The following CADM2 variants were observed in gnomAD, a reference collection of about 807,000 sequenced individuals.
CADM2 encodes immunoglobulin superfamily member 4D.
CADM2 carries 12 observed loss-of-function variants against 49.8 expected under a neutral mutation model. The ratio of observed to expected loss-of-function variants is 0.24; its 90% CI spans 0.15 to 0.39. The LOEUF (loss-of-function observed/expected upper bound fraction) is 0.39, where lower values mean the gene tolerates loss of function less well. Among genes scored for constraint, CADM2 ranks in the 10% least tolerant of loss-of-function variants. The pLI, the probability that CADM2 is intolerant of heterozygous loss-of-function variation, is 1.00. For synonymous variants in CADM2, 214 were observed against 175.4 expected (o/e 1.22, Z -1.74); for missense variants, 378 against 492.3 (o/e 0.77, Z 2.20).
intron 1 of CADM2, among the ~76,000 whole-genome samples, chr3:85,407,551 C>CT (rs1370373859): frequency 6.6e-6 from 1 of 152,172 alleles, no homozygotes; most frequent in Non-Finnish European, 1.5e-5. Flanking sequence ...AAAAACAACT[C>CT]TGTTCCCTTT....
At chr3:85,556,707 A>C (rs2061968546) in intron 1 of CADM2, among the ~76,000 whole-genome samples, 2 of 152,114 alleles carry the variant, frequency 1.3e-5, no homozygotes. Flanking sequence ...ATAACTTTAT[A>C]TTCTCTCATT....
At chr3:85,467,559 T>C (rs1197505440) in intron 1 of CADM2, among the ~76,000 whole-genome samples, 1 of 151,758 alleles carries the variant, frequency 6.6e-6, no homozygotes, top group Non-Finnish European at 1.5e-5. Context: ...AGAGACGTCA[T>C]GAAAGTCAAG....
rs2073868305 is a variant in CADM2 at position 85,825,672 on chromosome 3, A to G, written c.238+23476A>G. 2.0e-5 allele frequency among the ~76,000 whole-genome samples: 3 copies of G among 152,126 alleles called. No individual in the cohort carries two copies. In the South Asian group the frequency reaches 6.2e-4, roughly 31 times the overall value. ...AAGGGCTATCTGTAGGATTTGGAAT[A>G]CATATTTTATTTTATATTTTCTAAA... On this transcript the variant is annotated intron_variant, in intron 3 of 9. Coordinates refer to ENST00000383699, the MANE Select transcript of CADM2 (RefSeq NM_001167675.2).
intron 3 of CADM2, among the ~76,000 whole-genome samples, chr3:85,802,682 A>G (rs2072124438): frequency 6.6e-6 from 1 of 152,142 alleles, no homozygotes; most frequent in Non-Finnish European, 1.5e-5. Flanking sequence ...TGTTTCCAAA[A>G]TAAACTGAAA....
intron 1 of CADM2, among the ~76,000 whole-genome samples, chr3:85,670,977 T>A (rs945534042): frequency 1.3e-5 from 2 of 152,124 alleles, no homozygotes; most frequent in Non-Finnish European, 2.9e-5. Context: ...AAAGTCAAAG[T>A]GTGATTAGTT....
chr3:85,142,832 A>G (rs2039618441), intron 1 of CADM2, among the ~76,000 whole-genome samples: 1 of 152,224 alleles, frequency 6.6e-6, no homozygotes, highest in Non-Finnish European at 1.5e-5. Flanking sequence ...CTCAGAGCCA[A>G]TATAAATCAG....
chr3:85,607,760 A>T (rs1262890539), intron 1 of CADM2, among the ~76,000 whole-genome samples: 3 of 151,664 alleles, frequency 2.0e-5, no homozygotes, highest in Non-Finnish European at 4.4e-5. Context: ...GGGTTCAAAC[A>T]GTTCTCCTGC....
chr3:85,575,380 T>C (rs2062601370), intron 1 of CADM2, among the ~76,000 whole-genome samples: 1 of 152,162 alleles, frequency 6.6e-6, no homozygotes, highest in Admixed American at 6.5e-5. Flanking sequence ...TGAAACCCCA[T>C]CTCTACTAAA....
At chr3:85,397,247 A>G (rs2034837046) in intron 1 of CADM2, among the ~76,000 whole-genome samples, 1 of 152,176 alleles carries the variant, frequency 6.6e-6, no homozygotes, top group African/African-American at 2.4e-5. Flanking sequence ...TATAAAAGGA[A>G]ATAGAAAATA....
rs531931591 is a variant in CADM2 at position 85,889,375 on chromosome 3, C to G, written c.529+3048C>G. On this transcript the variant is annotated intron_variant, in intron 5 of 9. Transcript: ENST00000383699. ...AGGGCATCCTCAAGTACAGGGCTTG[C>G]TGAATCTCAGATTATCAGGCCTTGA... Among the ~76,000 whole-genome samples the G allele has an allele frequency of 1.9e-3, 287 of 152,232 alleles. 2 individuals are homozygous for G. Among genetic ancestry groups the G allele is most frequent in the African/African-American group, 6.5e-3 (269 of 41,540 alleles).
chr3:85,138,162 G>A (rs114440022), intron 1 of CADM2, among the ~76,000 whole-genome samples: 1 of 152,168 alleles, frequency 6.6e-6, no homozygotes, highest in Non-Finnish European at 1.5e-5. Context: ...ATTTTCAGCT[G>A]TTCTTTCCTT....
intron 1 of CADM2, among the ~76,000 whole-genome samples, chr3:85,023,281 C>G (rs974714052): frequency 1.3e-5 from 2 of 152,056 alleles, no homozygotes; most frequent in Admixed American, 6.6e-5. Flanking sequence ...AAGAAAACCT[C>G]TCTAGTATTT....
At chr3:85,284,185 G>T (rs979865670) in intron 1 of CADM2, among the ~76,000 whole-genome samples, 1 of 152,074 alleles carries the variant, frequency 6.6e-6, no homozygotes, top group Non-Finnish European at 1.5e-5. Context: ...TATTTGAATT[G>T]TGTTGTCCTT....
chr3:85,247,058 A>G lies in CADM2; in HGVS notation c.61+287390A>G, dbSNP rs116647317. Reference sequence around the variant, plus strand: ...GACAATGAAATTAAATGGTTAAGATATAAAAAAAATTAGGAGCTTATTGTT... The same window carrying G: ...GACAATGAAATTAAATGGTTAAGATGTAAAAAAAATTAGGAGCTTATTGTT... On this transcript the variant is annotated intron_variant, in intron 1 of 9. Coordinates refer to ENST00000383699, the MANE Select transcript of CADM2 (RefSeq NM_001167675.2). 4.7e-3 allele frequency among the ~76,000 whole-genome samples: 712 copies of G among 152,214 alleles called. 7 individuals carry two copies. The highest frequency in any genetic ancestry group is 0.017 in the African/African-American group (690 of 41,574).
At chr3:85,997,383 A>G (rs1729557680) in intron 8 of CADM2, among the ~76,000 whole-genome samples, 1 of 152,162 alleles carries the variant, frequency 6.6e-6, no homozygotes, top group Non-Finnish European at 1.5e-5. Context: ...ATAATTATGG[A>G]TATGGAGCTG....
chr3:85,584,948 T>C (rs1281556399), intron 1 of CADM2, among the ~76,000 whole-genome samples: 1 of 152,100 alleles, frequency 6.6e-6, no homozygotes, highest in Admixed American at 6.6e-5. Flanking sequence ...ATTTGTGAAA[T>C]CGGAAGTACA....
intron 8 of CADM2, among the ~76,000 whole-genome samples, chr3:86,023,382 G>A (rs1022473328): frequency 6.7e-6 from 1 of 148,896 alleles, no homozygotes; most frequent in Non-Finnish European, 1.5e-5. Flanking sequence ...GTTTTGTTTT[G>A]TTTTGTTTTG....
intron 8 of CADM2, among the ~76,000 whole-genome samples, chr3:86,000,961 T>G (rs1475127943): frequency 6.6e-6 from 1 of 151,964 alleles, no homozygotes; most frequent in East Asian, 1.9e-4. Flanking sequence ...CCAGAGGGGA[T>G]GGTGGGAGAA....
intron 5 of CADM2, among the ~76,000 whole-genome samples, chr3:85,907,324 A>G (rs542358789): frequency 1.3e-5 from 2 of 152,330 alleles, no homozygotes; most frequent in South Asian, 2.1e-4. Context: ...AAATACTAGT[A>G]AAGTTCAAGT....
Sources: allele counts gnomAD v4.1 joint callset (sites outside exome capture counted in the v4.1 genomes callset), GRCh38; gene constraint gnomAD v4.1.1; transcripts MANE v1.5; gene names NCBI Gene and HGNC (gene_info 2026-07-23, HGNC 2026-07-21).